AKR1B15: variants seen among roughly 807,000 people sequenced by gnomAD.
AKR1B15 encodes estradiol 17-beta-dehydrogenase AKR1B15.
Under a neutral mutation model 38.5 loss-of-function variants are expected in AKR1B15, and 49 were observed. The ratio of observed to expected loss-of-function variants is 1.27; its 90% CI spans 1.01 to 1.62. The LOEUF (loss-of-function observed/expected upper bound fraction) is 1.62, where lower values mean the gene tolerates loss of function less well. Ranked by LOEUF, AKR1B15 falls within the 40% of genes most tolerant of loss-of-function variation. The probability of loss-of-function intolerance (pLI) is 0.00; values close to 1 mark genes in which losing one functional copy is unlikely to be tolerated. For missense variants in AKR1B15, 411 were observed against 381.6 expected (o/e 1.08, Z -0.64); for synonymous variants, 137 against 135.5 (o/e 1.01, Z -0.08).
At chr7:134,564,150 G>C (rs1361787047) in intron 2 of AKR1B15, among the ~76,000 whole-genome samples, 1 of 152,182 alleles carries the variant, frequency 6.6e-6, no homozygotes, top group Non-Finnish European at 1.5e-5. Context: ...ATAGGGTTAG[G>C]AATGGCTACT....
intron 8 of AKR1B15, among the ~76,000 whole-genome samples, chr7:134,576,142 T>A (rs1489604315): frequency 6.8e-6 from 1 of 147,842 alleles, no homozygotes; most frequent in Non-Finnish European, 1.5e-5. Context: ...CTGGGAATAT[T>A]TCCAGTTCAG....
At chr7:134,579,406 A>G (rs1794835516) in intron 11 of AKR1B15, 101 bp from the exon 12 acceptor site, 7 of 1,014,578 alleles carry the variant, frequency 6.9e-6, no homozygotes, top group South Asian at 1.8e-5. Context: ...AGGCTGAGAG[A>G]CCACAAATAC....
intron 3 of AKR1B15, among the ~76,000 whole-genome samples, chr7:134,567,015 T>C (rs1024390954): frequency 2.0e-5 from 3 of 152,204 alleles, no homozygotes; most frequent in African/African-American, 7.2e-5. Context: ...GGAGCTGCCT[T>C]CAACACGTGG....
chr7:134,554,049 G>C (rs754475310), intron 1 of AKR1B15, among the ~76,000 whole-genome samples: 2 of 152,208 alleles, frequency 1.3e-5, no homozygotes, highest in African/African-American at 2.4e-5. Context: ...TTTTGCTACT[G>C]TACATGTACA....
At chr7:134,574,694 T>A (rs957077045) in intron 6 of AKR1B15, among the ~76,000 whole-genome samples, 5 of 152,236 alleles carry the variant, frequency 3.3e-5, no homozygotes, top group African/African-American at 9.6e-5. Context: ...CTAACATATA[T>A]GATATCTTTG....
rs765619464 is a variant in AKR1B15, at chr7:134,579,573, C to T, written c.*24C>T. 5 of 1,568,476 alleles carry T rather than the reference C, an allele frequency of 3.2e-6. No homozygotes were observed. Among genetic ancestry groups the T allele is most frequent in the South Asian group, 2.4e-5 (2 of 83,800 alleles). On this transcript the variant is annotated 3_prime_UTR_variant, in exon 12 of 12. Transcript: ENST00000457545. ...GAGGTTGAATCTCCTGGTGAGATTA[C>T]ACAGGGGATTCTCTTTCTTCGCTGA...
rs115524534 is a variant in AKR1B15 at position 134,577,208 on chromosome 7, G to A, written c.909+162G>A. Among the ~76,000 whole-genome samples the A allele has an allele frequency of 5.2e-3, 787 of 152,296 alleles. 14 individuals carry two copies. The highest frequency in any genetic ancestry group is 0.018 in the African/African-American group (763 of 41,558). ...AGGGAGCTAGGCTCGGTAGAGCTGAGATGAATGACCCATGGGCTAAGAACA... is the reference window on the plus strand; with the variant it reads ...AGGGAGCTAGGCTCGGTAGAGCTGAAATGAATGACCCATGGGCTAAGAACA... On this transcript the variant is annotated intron_variant, in intron 10 of 11. Coordinates refer to ENST00000457545, the MANE Select transcript of AKR1B15 (RefSeq NM_001080538.3).
chr7:134,562,874 CTTTCTTTCTTTCTTTCCTTCTTT>C lies in AKR1B15; in HGVS notation c.-22-1723_-22-1701del, dbSNP rs1562947080. Among the ~76,000 whole-genome samples the C allele has an allele frequency of 7.3e-4, 102 of 138,954 alleles. 1 individual carries two copies. Among genetic ancestry groups the C allele is most frequent in the African/African-American group, 2.7e-3 (96 of 35,878 alleles). 91.2% of individuals were successfully genotyped at this position (138,954 alleles called of 152,430 possible). ...TCTTTCTTTCTTTCTTTCTTTCTTT[CTTTCTTTCTTTCTTTCCTTCTTT>C]CTTCCTTCCTTCTTTCCTTCCTTCC... On this transcript the variant is annotated intron_variant, in intron 2 of 11. Coordinates refer to ENST00000457545, the MANE Select transcript of AKR1B15 (RefSeq NM_001080538.3).
chr7:134,576,309 G>A (rs770621784), intron 8 of AKR1B15, 40 bp from the exon 9 acceptor site: 1 of 1,589,746 alleles, frequency 6.3e-7, no homozygotes. Context: ...GTACACGGTA[G>A]CCATGGTGAT....
intron 6 of AKR1B15, among the ~76,000 whole-genome samples, chr7:134,572,148 C>G (rs1331145744): frequency 6.6e-6 from 1 of 152,108 alleles, no homozygotes; most frequent in Non-Finnish European, 1.5e-5. Flanking sequence ...AGTCATAAAG[C>G]CCATGTAATC....
chr7:134,551,916 G>A (rs1793995273), intron 1 of AKR1B15, among the ~76,000 whole-genome samples: 1 of 152,214 alleles, frequency 6.6e-6, no homozygotes, highest in Non-Finnish European at 1.5e-5. Context: ...GACGGGGCCA[G>A]GGCTCTTTGT....
At chr7:134,561,914 C>T (rs1297704697) in intron 2 of AKR1B15, among the ~76,000 whole-genome samples, 1 of 152,214 alleles carries the variant, frequency 6.6e-6, no homozygotes, top group Non-Finnish European at 1.5e-5. Flanking sequence ...ACCTCTCCTC[C>T]CTAGACTCCA....
intron 3 of AKR1B15, 37 bp from the exon 4 acceptor site, chr7:134,568,121 A>AAAT (rs1562949156): frequency 1.2e-6 from 2 of 1,612,264 alleles, no homozygotes; most frequent in South Asian, 1.1e-5. Context: ...CTTAAAAAAA[A>AAAT]AATACATGTG....
Position 134,575,621 on chromosome 7 carries a change from G to A in AKR1B15, c.636+79G>A, listed in dbSNP as rs1256136277. On this transcript the variant is annotated intron_variant, in intron 7 of 11. Transcript: ENST00000457545. ...TTGCGGGGGGAATGTTCAATGCTAT[G>A]CCCTGAGTCTTATCTCAGGGGTCAG... The A allele has an allele frequency of 3.1e-6, 5 of 1,593,386 alleles. No homozygotes were observed. In the African/African-American group the frequency reaches 4.0e-5, roughly 13 times the overall value.
At chr7:134,571,440 T>C (rs879139057) in intron 5 of AKR1B15, among the ~76,000 whole-genome samples, 164 bp from the exon 6 acceptor site, 1 of 152,170 alleles carries the variant, frequency 6.6e-6, no homozygotes, top group East Asian at 1.9e-4. Context: ...ACAGTAGATA[T>C]AGAGATTTTA....
chr7:134,569,887 A>T (rs1456115217), intron 5 of AKR1B15: 10 of 233,468 alleles, frequency 4.3e-5, no homozygotes, highest in African/African-American at 2.3e-4. Context: ...AATTGTTTGT[A>T]GAGCATGTGT....
intron 1 of AKR1B15, among the ~76,000 whole-genome samples, chr7:134,552,518 A>G (rs1283585483): frequency 1.3e-5 from 2 of 152,084 alleles, no homozygotes; most frequent in Non-Finnish European, 2.9e-5. Flanking sequence ...TTCAGCAACT[A>G]TTACAAGCTG....
intron 3 of AKR1B15, among the ~76,000 whole-genome samples, chr7:134,565,923 AAG>A (rs1794522885): frequency 6.6e-6 from 1 of 152,078 alleles, no homozygotes; most frequent in African/African-American, 2.4e-5. Flanking sequence ...GCAGAGCCAG[AAG>A]TCCCTGGCAC....
At chr7:134,579,404 A>T in intron 11 of AKR1B15, 103 bp from the exon 12 acceptor site, 1 of 988,880 alleles carries the variant, frequency 1.0e-6, no homozygotes, top group Non-Finnish European at 1.5e-6. Flanking sequence ...GGAGGCTGAG[A>T]GACCACAAAT....
Sources: allele counts gnomAD v4.1 joint callset (sites outside exome capture counted in the v4.1 genomes callset), GRCh38; gene constraint gnomAD v4.1.1; transcripts MANE v1.5; gene names NCBI Gene and HGNC (gene_info 2026-07-23, HGNC 2026-07-21).